The following SLC40A1 variants were observed in gnomAD, a reference collection of about 807,000 sequenced individuals.
SLC40A1 encodes ferroportin.
SLC40A1 carries 16 observed loss-of-function variants against 53.5 expected under a neutral mutation model. That is an observed-to-expected ratio of 0.30 (90% CI 0.20 to 0.45). The LOEUF (loss-of-function observed/expected upper bound fraction) is 0.45, where lower values mean the gene tolerates loss of function less well. SLC40A1 is among the 20% of genes least tolerant of loss of function. SLC40A1 has a pLI of 1.00. For synonymous variants in SLC40A1, 247 were observed against 253.2 expected, an observed-to-expected ratio of 0.98 and a Z score of 0.23; for missense variants, 545 against 695.4, an observed-to-expected ratio of 0.78 and a Z score of 2.43.
intron 5 of SLC40A1, among the ~76,000 whole-genome samples, chr2:189,567,036 G>A (rs2030959460): frequency 1.3e-5 from 2 of 152,122 alleles, no homozygotes; most frequent in South Asian, 4.1e-4. Context: ...AACGAGAGGG[G>A]GCCAACTGAG....
At chr2:189,574,140 T>C (rs1009787908) in intron 3 of SLC40A1, among the ~76,000 whole-genome samples, 1 of 152,158 alleles carries the variant, frequency 6.6e-6, no homozygotes, top group African/African-American at 2.4e-5. Context: ...AAGTGGGAAA[T>C]TGTTATCCTA....
In SLC40A1 at chr2:189,580,629, G is replaced by C; in HGVS notation, c.-169C>G. On this transcript the variant is annotated 5_prime_UTR_variant, in exon 1 of 8. Transcript: ENST00000261024. ...ACTTTGGCAAAGAACAAAAGAAAAG[G>C]GGCCCAGGGATTTTCTTTTTTCCTT... The C allele has an allele frequency of 6.5e-7, 1 of 1,533,740 alleles. No homozygotes were observed. Among genetic ancestry groups the C allele is most frequent in the Non-Finnish European group, 8.7e-7 (1 of 1,145,606 alleles).
At chr2:189,573,557 G>A (rs376247551) in intron 3 of SLC40A1, among the ~76,000 whole-genome samples, 4 of 152,298 alleles carry the variant, frequency 2.6e-5, no homozygotes, top group Admixed American at 2.0e-4. Flanking sequence ...TATAGATAAA[G>A]CACTGGAGTA....
Position 189,561,743 on chromosome 2 carries a change from C to A in SLC40A1, c.*135G>T. On this transcript the variant is annotated 3_prime_UTR_variant, in exon 8 of 8. Transcript: ENST00000261024. ...TTTCTGCTGACTTAGGTTTCCTAAACAGCTTTTAGTTCTCAAGGCACAGCT... is the reference window on the plus strand; with the variant it reads ...TTTCTGCTGACTTAGGTTTCCTAAAAAGCTTTTAGTTCTCAAGGCACAGCT... The A allele has an allele frequency of 1.3e-6, 1 of 746,214 alleles. No homozygotes were observed. Among genetic ancestry groups the A allele is most frequent in the East Asian group, 2.7e-5 (1 of 37,036 alleles). The allele number at this position is 746,214 out of a possible 1,614,324, so 46.2% of individuals were successfully genotyped here.
intron 5 of SLC40A1, among the ~76,000 whole-genome samples, chr2:189,568,443 T>C (rs991269414): frequency 6.6e-6 from 1 of 151,946 alleles, no homozygotes; most frequent in Non-Finnish European, 1.5e-5. Context: ...GAGTTGAGAC[T>C]GTGCCACTGC....
rs34223632 is a variant in SLC40A1 at position 189,577,788 on chromosome 2, A to AT, written c.111+2024dup. ...CTCATGACACCTGGCTAATTTTTAA[A>AT]TTTTTTTTTGCAGAGACAGAGTCTC... On this transcript the variant is annotated intron_variant, in intron 2 of 7. Transcript: ENST00000261024. 8.6e-3 allele frequency among the ~76,000 whole-genome samples: 1,287 copies of AT among 150,002 alleles called. 41 individuals are homozygous for AT. The South Asian group carries it at 0.1, about 12-fold the overall frequency.
At chr2:189,571,126 T>G (rs917583930) in intron 5 of SLC40A1, among the ~76,000 whole-genome samples, 1 of 152,208 alleles carries the variant, frequency 6.6e-6, no homozygotes, top group African/African-American at 2.4e-5. Context: ...CTTTGACCAC[T>G]TGTTTATATT....
At chr2:189,566,633 A>G (rs530983441) in intron 5 of SLC40A1, among the ~76,000 whole-genome samples, 1 of 152,346 alleles carries the variant, frequency 6.6e-6, no homozygotes, top group African/African-American at 2.4e-5. Context: ...CAGGAACACA[A>G]TTCATCAATA....
rs1297054517 is a variant in SLC40A1, at chr2:189,580,451, C to T, written c.10G>A (p.Ala4Thr). 9.9e-6 allele frequency: 16 copies of T among 1,613,732 alleles called. No individual in the cohort carries two copies. Among genetic ancestry groups the T allele is most frequent in the Non-Finnish European group, 1.0e-5 (12 of 1,180,040 alleles). ...CCTCTCTGGCGGTTGTGATCTCCCG[C>T]CCTGGTCATGACACTAGGCGACCCC... MTRAGDHNRQRGCC... is the reference protein window; with the variant it reads MTRTGDHNRQRGCC... Residue 4 changes from alanine (A) to threonine (T), a missense_variant, in exon 1 of 8, where the codon GCG becomes ACG. By Grantham distance (58) the Ala-to-Thr change is moderately conservative. Around this residue, in one of 4 missense-constraint regions of SLC40A1, gnomAD observed 197 missense variants for 278.8 expected, o/e 0.71. Coordinates refer to ENST00000261024, the MANE Select transcript of SLC40A1 (RefSeq NM_014585.6).
chr2:189,576,765 A>C (rs996426), intron 2 of SLC40A1, among the ~76,000 whole-genome samples: 37,553 of 152,176 alleles, frequency 0.25, 4,829 homozygotes, highest in African/African-American at 0.28. Context: ...CCTCTGTCAG[A>C]GAGTTTTCTC....
chr2:189,580,758 A>G lies in SLC40A1; in HGVS notation c.-298T>C, dbSNP rs1202944965. The G allele has an allele frequency of 1.5e-6, 2 of 1,319,468 alleles. No individual in the cohort carries two copies. The allele number at this position is 1,319,468 out of a possible 1,614,324, so 81.7% of individuals were successfully genotyped here. A position where few individuals can be genotyped will look rare whatever the true frequency, so the allele number is the denominator to read the frequency against. Reference sequence around the variant, plus strand: ...TCGTCCGAGCCTAGCGGACGCCCTGAGCCAGCTCTCTCCGCCGCCGCCGCC... The same window carrying G: ...TCGTCCGAGCCTAGCGGACGCCCTGGGCCAGCTCTCTCCGCCGCCGCCGCC... On this transcript the variant is annotated 5_prime_UTR_variant, in exon 1 of 8. Coordinates refer to ENST00000261024, the MANE Select transcript of SLC40A1 (RefSeq NM_014585.6).
intron 2 of SLC40A1, among the ~76,000 whole-genome samples, chr2:189,577,257 T>C (rs2105633878): frequency 6.6e-6 from 1 of 152,320 alleles, no homozygotes. Context: ...GTACCCGACA[T>C]TTGCAAGCAC....
At chr2:189,575,445 A>T in intron 2 of SLC40A1, 125 bp from the exon 3 acceptor site, 3 of 855,440 alleles carry the variant, frequency 3.5e-6, no homozygotes, top group Non-Finnish European at 5.8e-6. Context: ...AAAGTCAGTA[A>T]TTACTCTTAG....
intron 4 of SLC40A1, 121 bp downstream of exon 4, chr2:189,572,724 CA>C: frequency 1.4e-6 from 1 of 721,260 alleles, no homozygotes; most frequent in Non-Finnish European, 2.5e-6. Context: ...TTACAGTAGA[CA>C]CAGAAATCAA....
chr2:189,580,732 G>C lies in SLC40A1; in HGVS notation c.-272C>G. On this transcript the variant is annotated 5_prime_UTR_variant, in exon 1 of 8. Transcript: ENST00000261024. ...GGAAGCGGTTTGGGAGGCTCAGCAG[G>C]TCGTCCGAGCCTAGCGGACGCCCTG... is the stretch of plus-strand genomic sequence containing the variant. 1 of 1,365,834 alleles carries C rather than the reference G, an allele frequency of 7.3e-7. No homozygotes were observed. Among genetic ancestry groups the C allele is most frequent in the South Asian group, 1.5e-5 (1 of 67,542 alleles). 84.6% of individuals were successfully genotyped at this position (1,365,834 alleles called of 1,614,324 possible).
intron 3 of SLC40A1, 97 bp from the exon 4 acceptor site, chr2:189,573,058 C>T (rs2031181390): frequency 2.3e-6 from 2 of 866,702 alleles, no homozygotes; most frequent in Non-Finnish European, 3.9e-6. Context: ...TACATTAATA[C>T]ACAGACCTAA....
chr2:189,578,397 T>C, intron 2 of SLC40A1: 3 of 1,000,584 alleles, frequency 3.0e-6, no homozygotes, highest in Non-Finnish European at 3.6e-6. Flanking sequence ...TTGTGGGACT[T>C]TTAATGAACA....
intron 4 of SLC40A1, 138 bp from the exon 5 acceptor site, chr2:189,571,979 T>C: frequency 1.5e-6 from 1 of 685,994 alleles, no homozygotes. Flanking sequence ...AGAAATCATT[T>C]TACGTTATAG....
chr2:189,566,130 A>G (rs186971596), intron 5 of SLC40A1, among the ~76,000 whole-genome samples: 80 of 152,328 alleles, frequency 5.3e-4, no homozygotes, highest in African/African-American at 1.9e-3. Flanking sequence ...GCAAAAGGGC[A>G]GAGAGTGCCC....
Sources: allele counts gnomAD v4.1 joint callset (sites outside exome capture counted in the v4.1 genomes callset), GRCh38; gene constraint gnomAD v4.1.1; regional missense constraint gnomAD v4.1.1; transcripts MANE v1.5; gene names NCBI Gene and HGNC (gene_info 2026-07-23, HGNC 2026-07-21).